Variants in KCNC2 observed in about 807,000 individuals in gnomAD.
The protein encoded by KCNC2 is potassium voltage-gated channel subfamily C member 2, also known as voltage-gated potassium channel KCNC2.
A neutral mutation model predicts 44.5 loss-of-function variants in KCNC2; 21 were observed. That is an observed-to-expected ratio of 0.47 (90% CI 0.33 to 0.68). The LOEUF (loss-of-function observed/expected upper bound fraction) is 0.68. KCNC2 is among the 30% of genes least tolerant of loss of function. KCNC2 has a pLI of 0.01. For missense variants in KCNC2, 589 were observed against 826.2 expected (o/e 0.71, Z 3.52); for synonymous variants, 391 against 339.1 (o/e 1.15, Z -1.68).
At chr12:75,093,322 A>T (rs1885647127) in intron 2 of KCNC2, among the ~76,000 whole-genome samples, 1 of 151,552 alleles carries the variant, frequency 6.6e-6, no homozygotes, top group South Asian at 2.1e-4. Context: ...AGATCAGTTT[A>T]ATTCCACAAA....
chr12:75,058,429 T>C (rs1022949474), intron 2 of KCNC2, among the ~76,000 whole-genome samples: 17 of 152,082 alleles, frequency 1.1e-4, no homozygotes, highest in African/African-American at 4.1e-4. Context: ...AGAGTCACAT[T>C]ATTAAGCCTT....
At position 75,207,704 on chromosome 12, in the gene KCNC2, C is replaced by T. The variant is rs751784623; in HGVS notation, c.280G>A (p.Asp94Asn). 1.9e-6 allele frequency: 3 copies of T among 1,587,620 alleles called. No individual in the cohort carries two copies. The highest frequency in any genetic ancestry group is 4.6e-5 in the East Asian group (2 of 43,694). ...NCSSRGGRAS[D>N]HPGGGREFFF... The stretch of plus-strand genomic sequence containing the variant: ...AACTCGCGGCCGCCACCGGGATGGT[C>T]GCTGGCCCTGCCGCCGCGGGAACTG... The change falls in exon 2 of 5, where the codon GAC becomes AAC. Residue 94 changes from aspartate (D) to asparagine (N), a missense_variant. By Grantham distance (23) the Asp-to-Asn change is conservative. This residue lies in a region of KCNC2 where 148 missense variants were observed against 140.1 expected (regional missense o/e 1.06). Transcript: ENST00000549446. This position sits in a 1 kb window ranked among gnomAD's most constrained non-coding sequence, Gnocchi z 4.1.
At chr12:75,060,948 G>A (rs1170553924) in intron 2 of KCNC2, among the ~76,000 whole-genome samples, 1 of 152,072 alleles carries the variant, frequency 6.6e-6, no homozygotes, top group Non-Finnish European at 1.5e-5. Context: ...GAACTACTAA[G>A]TAGTTAAACT....
At chr12:75,110,634 G>T (rs1357601186) in intron 2 of KCNC2, among the ~76,000 whole-genome samples, 2 of 152,072 alleles carry the variant, frequency 1.3e-5, no homozygotes, top group Admixed American at 6.6e-5. Context: ...CACATAAGTA[G>T]ATCTATATGG....
At chr12:75,095,328 A>T (rs1327221538) in intron 2 of KCNC2, among the ~76,000 whole-genome samples, 1 of 151,692 alleles carries the variant, frequency 6.6e-6, no homozygotes, top group Non-Finnish European at 1.5e-5. Context: ...CCACACACAG[A>T]ATTGTCCCAT....
chr12:75,042,578 G>A lies in KCNC2; in HGVS notation c.*527C>T, dbSNP rs1006351537. On this transcript the variant is annotated 3_prime_UTR_variant, in exon 5 of 5. Transcript: ENST00000549446. ...TGCTTTCATATCAGCAGGATGGTTC[G>A]ATGCAAGTACACATATCCTGAGCTA... 47 of 1,373,072 alleles carry A rather than the reference G, an allele frequency of 3.4e-5. No homozygotes were observed. The highest frequency in any genetic ancestry group is 4.2e-5 in the Non-Finnish European group (45 of 1,065,116). The allele number at this position is 1,373,072 out of a possible 1,614,324, so 85.1% of individuals were successfully genotyped here.
At chr12:75,086,078 A>G (rs1884969924) in intron 2 of KCNC2, among the ~76,000 whole-genome samples, 1 of 152,060 alleles carries the variant, frequency 6.6e-6, no homozygotes, top group African/African-American at 2.4e-5. Context: ...CACTCATACT[A>G]TAGTATGCTC....
chr12:75,125,558 T>G (rs17114680), intron 2 of KCNC2, among the ~76,000 whole-genome samples: 1 of 152,136 alleles, frequency 6.6e-6, no homozygotes. Flanking sequence ...TATGGAATGG[T>G]GAAATCTTTC....
At chr12:75,074,133 TA>T (rs1263759201) in intron 2 of KCNC2, among the ~76,000 whole-genome samples, 1 of 151,892 alleles carries the variant, frequency 6.6e-6, no homozygotes, top group African/African-American at 2.4e-5. Context: ...AAGAGCATGT[TA>T]AGTAAAAAAA....
At chr12:75,070,349 G>C (rs1883275011) in intron 2 of KCNC2, among the ~76,000 whole-genome samples, 1 of 151,864 alleles carries the variant, frequency 6.6e-6, no homozygotes, top group Non-Finnish European at 1.5e-5. Flanking sequence ...TACTGGGGAG[G>C]CTGAGGCAGG....
chr12:75,110,993 A>G (rs1329904904), intron 2 of KCNC2, among the ~76,000 whole-genome samples: 1 of 152,126 alleles, frequency 6.6e-6, no homozygotes, highest in African/African-American at 2.4e-5. Flanking sequence ...TCATTAGACT[A>G]TATACAATTT....
At chr12:75,047,309 T>C (rs1880639870) in intron 4 of KCNC2, among the ~76,000 whole-genome samples, 1 of 152,000 alleles carries the variant, frequency 6.6e-6, no homozygotes, top group African/African-American at 2.4e-5. Flanking sequence ...GGTTGTAAAG[T>C]TTACCAAAAG....
intron 2 of KCNC2, among the ~76,000 whole-genome samples, chr12:75,193,981 A>G (rs894955621): frequency 6.6e-6 from 1 of 152,212 alleles, no homozygotes; most frequent in Non-Finnish European, 1.5e-5. Flanking sequence ...TTTTCCAATT[A>G]GTATCTTCAG....
At chr12:75,105,344 A>T (rs1175422484) in intron 2 of KCNC2, among the ~76,000 whole-genome samples, 1 of 152,178 alleles carries the variant, frequency 6.6e-6, no homozygotes, top group African/African-American at 2.4e-5. Context: ...CAGAAACAGA[A>T]TTAACAAAGG....
chr12:75,182,383 C>T (rs974094662), intron 2 of KCNC2, among the ~76,000 whole-genome samples: 7 of 151,420 alleles, frequency 4.6e-5, no homozygotes, highest in African/African-American at 1.2e-4. Context: ...ATTAGCGGGG[C>T]GTGGTGGCGG....
chr12:75,142,183 A>C (rs1171591302), intron 2 of KCNC2, among the ~76,000 whole-genome samples: 1 of 152,194 alleles, frequency 6.6e-6, no homozygotes, highest in African/African-American at 2.4e-5. Context: ...GAGAAAGATT[A>C]ATAATTTGTC....
At chr12:75,157,723 T>G (rs1890858162) in intron 2 of KCNC2, among the ~76,000 whole-genome samples, 1 of 151,846 alleles carries the variant, frequency 6.6e-6, no homozygotes, top group African/African-American at 2.4e-5. Flanking sequence ...GAAAAGGAAT[T>G]TAAGATGCTA....
rs149155425 is a variant in KCNC2 at position 75,099,765 on chromosome 12, A to T, written c.688-48448T>A. ...TAATAAACAAACAAAATATATTCCAAAAAAGAAAGCCACATTTCTATGACC... is the reference window on the plus strand; with the variant it reads ...TAATAAACAAACAAAATATATTCCATAAAAGAAAGCCACATTTCTATGACC... On this transcript the variant is annotated intron_variant, in intron 2 of 4. Coordinates refer to ENST00000549446, the MANE Select transcript of KCNC2 (RefSeq NM_139137.4). Among the ~76,000 whole-genome samples, 509 of 152,256 alleles carry T rather than the reference A, an allele frequency of 3.3e-3. 2 individuals are homozygous for T. Among genetic ancestry groups the T allele is most frequent in the African/African-American group, 0.011 (475 of 41,566 alleles).
intron 2 of KCNC2, among the ~76,000 whole-genome samples, chr12:75,169,186 C>T (rs1891651260): frequency 6.6e-6 from 1 of 151,448 alleles, no homozygotes; most frequent in Admixed American, 6.6e-5. Context: ...GTTGAGATTG[C>T]CTTTGTCTGA....
Sources: allele counts gnomAD v4.1 joint callset (sites outside exome capture counted in the v4.1 genomes callset), GRCh38; gene constraint gnomAD v4.1.1; regional missense constraint gnomAD v4.1.1; non-coding constraint Gnocchi (gnomAD v3.1); transcripts MANE v1.5; gene names NCBI Gene and HGNC (gene_info 2026-07-23, HGNC 2026-07-21).